Variants in RTKN2 observed in about 807,000 individuals in gnomAD.
RTKN2 encodes the protein rhotekin-2.
Under a neutral mutation model 71.5 loss-of-function variants are expected in RTKN2, and 69 were observed. The observed-to-expected ratio is 0.96, with a 90% confidence interval of 0.79 to 1.18. The LOEUF (loss-of-function observed/expected upper bound fraction) is 1.18. RTKN2 is among the 50% of genes most tolerant of loss of function. The pLI is 0.00. For synonymous variants in RTKN2, 236 were observed against 236.5 expected, an observed-to-expected ratio of 1.00 and a Z score of 0.02; for missense variants, 724 against 719.7, an observed-to-expected ratio of 1.01 and a Z score of -0.07.
At chr10:62,205,836 T>C (rs536516394) in intron 9 of RTKN2, among the ~76,000 whole-genome samples, 2 of 152,266 alleles carry the variant, frequency 1.3e-5, no homozygotes, top group East Asian at 1.9e-4. Flanking sequence ...GGCAACTACA[T>C]GTGGCTTTGA....
intron 1 of RTKN2, among the ~76,000 whole-genome samples, chr10:62,266,610 T>C (rs1253695577): frequency 6.6e-6 from 1 of 152,226 alleles, no homozygotes; most frequent in African/African-American, 2.4e-5. Flanking sequence ...GAGATAGTAT[T>C]ACTTTTTGAA....
chr10:62,198,489 G>A (rs1174672131), intron 11 of RTKN2, 46 bp from the exon 12 acceptor site: 2 of 1,283,994 alleles, frequency 1.6e-6, no homozygotes, highest in Admixed American at 5.2e-5. Flanking sequence ...TTCAAAAGCA[G>A]TATGTACTTT....
chr10:62,214,753 C>T (rs1564506234), intron 9 of RTKN2, among the ~76,000 whole-genome samples: 1 of 152,118 alleles, frequency 6.6e-6, no homozygotes, highest in Non-Finnish European at 1.5e-5. Context: ...CATTTTATAG[C>T]TACTTTTTAA....
At chr10:62,213,279 A>G (rs1373744457) in intron 9 of RTKN2, among the ~76,000 whole-genome samples, 1 of 150,754 alleles carries the variant, frequency 6.6e-6, no homozygotes, top group East Asian at 1.9e-4. Flanking sequence ...AATAGTAAAG[A>G]GGGAAGATTA....
chr10:62,237,439 A>G (rs781543619), intron 5 of RTKN2, among the ~76,000 whole-genome samples: 3 of 152,080 alleles, frequency 2.0e-5, no homozygotes, highest in South Asian at 2.1e-4. Context: ...ACTTTCACAG[A>G]TATCAGCTTC....
At chr10:62,222,626 T>C (rs939502766) in intron 7 of RTKN2, among the ~76,000 whole-genome samples, 3 of 152,194 alleles carry the variant, frequency 2.0e-5, no homozygotes, top group East Asian at 3.8e-4. Flanking sequence ...ATAACCCAAA[T>C]CATACTTCCA....
At chr10:62,240,106 GCACA>G (rs934216496) in intron 4 of RTKN2, among the ~76,000 whole-genome samples, 1 of 151,912 alleles carries the variant, frequency 6.6e-6, no homozygotes, top group Admixed American at 6.6e-5. Flanking sequence ...ATGCAAGCGT[GCACA>G]CACACACTAC....
intron 6 of RTKN2, among the ~76,000 whole-genome samples, chr10:62,225,342 A>C (rs1841998845): frequency 6.6e-6 from 1 of 152,164 alleles, no homozygotes; most frequent in African/African-American, 2.4e-5. Context: ...CCTTCCCACT[A>C]TCTGGAACTT....
At chr10:62,225,902 C>T (rs1020570408) in intron 6 of RTKN2, among the ~76,000 whole-genome samples, 1 of 152,004 alleles carries the variant, frequency 6.6e-6, no homozygotes, top group African/African-American at 2.4e-5. Context: ...CTCCCTCAGC[C>T]TCCCGAGTAG....
Position 62,198,003 on chromosome 10 carries a change from T to TA in RTKN2, c.1734dup (p.Lys579Ter). ...ACTGGCTTGGCTTCAAAATTGGTTTTAGTGTCTGTGTGCTCACCATCACTT... is the reference window on the plus strand; with the variant it reads ...ACTGGCTTGGCTTCAAAATTGGTTTTAAGTGTCTGTGTGCTCACCATCACTT... On this transcript the variant is annotated frameshift_variant, in exon 12 of 12. Coordinates refer to ENST00000373789, the MANE Select transcript of RTKN2 (RefSeq NM_145307.4). LOFTEE classifies it high-confidence loss of function. 1 of 1,613,988 alleles carries TA rather than the reference T, an allele frequency of 6.2e-7. No individual in the cohort carries two copies. The highest frequency in any genetic ancestry group is 8.5e-7 in the Non-Finnish European group (1 of 1,179,894).
At position 62,223,948 on chromosome 10, in the gene RTKN2, T is replaced by C. The variant is rs1216881839; in HGVS notation, c.687-616A>G. On this transcript the variant is annotated intron_variant, in intron 6 of 11. Coordinates refer to ENST00000373789, the MANE Select transcript of RTKN2 (RefSeq NM_145307.4). ...TCCAGGGATGAAGGAATCAACAAAA[T>C]GTGGGGTAGGTGTGTGTGTGTGTGT... Among the ~76,000 whole-genome samples, 3 of 122,732 alleles carry C rather than the reference T, an allele frequency of 2.4e-5. No individual in the cohort carries two copies. The South Asian group carries it at 7.5e-4, about 31-fold the overall frequency. The allele number at this position is 122,732 out of a possible 152,430, so 80.5% of individuals were successfully genotyped here. A position where few individuals can be genotyped will look rare whatever the true frequency, so the allele number is the denominator to read the frequency against.
At chr10:62,202,757 T>A (rs773345173) in intron 10 of RTKN2, among the ~76,000 whole-genome samples, 5 of 152,216 alleles carry the variant, frequency 3.3e-5, no homozygotes, top group Non-Finnish European at 7.3e-5. Context: ...TTTCACATAA[T>A]CTAGAGAATG....
chr10:62,249,294 C>T (rs956112118), intron 2 of RTKN2, among the ~76,000 whole-genome samples: 4 of 145,360 alleles, frequency 2.8e-5, no homozygotes, highest in African/African-American at 1.0e-4. Flanking sequence ...ATAAATGACA[C>T]TGATTAGTAT....
intron 2 of RTKN2, among the ~76,000 whole-genome samples, chr10:62,253,301 A>G (rs1446669936): frequency 2.6e-5 from 4 of 152,234 alleles, no homozygotes; most frequent in Admixed American, 6.5e-5. Flanking sequence ...CAATGAATAT[A>G]TCGCAAGTAC....
intron 2 of RTKN2, among the ~76,000 whole-genome samples, chr10:62,251,219 G>A (rs549885728): frequency 2.0e-5 from 3 of 152,154 alleles, no homozygotes; most frequent in South Asian, 4.1e-4. Context: ...TCACAAAAAG[G>A]GTAAATATTT....
At chr10:62,188,728 T>G (rs1465244003), downstream of RTKN2, among the ~76,000 whole-genome samples, 1 of 151,410 alleles carries the variant, frequency 6.6e-6, no homozygotes, top group Non-Finnish European at 1.5e-5. Flanking sequence ...ATATTTTCTA[T>G]ATATATATTT....
chr10:62,184,205 T>C, exon 9 of RTKN2: 2 of 652,416 alleles, frequency 3.1e-6, no homozygotes, highest in Non-Finnish European at 5.2e-6. Context: ...TACTGGGTGC[T>C]AGGAATACAG....
intron 6 of RTKN2, among the ~76,000 whole-genome samples, chr10:62,224,660 GAAAC>G (rs1009850213): frequency 6.6e-6 from 1 of 152,222 alleles, no homozygotes; most frequent in Admixed American, 6.5e-5. Flanking sequence ...TTCTATGAAA[GAAAC>G]AAAGGAGATG....
chr10:62,266,756 C>G (rs1262519538), intron 1 of RTKN2, among the ~76,000 whole-genome samples: 2 of 152,224 alleles, frequency 1.3e-5, no homozygotes, highest in Admixed American at 1.3e-4. Flanking sequence ...GTGCTAGGTG[C>G]TGTGATAAGT....
Sources: gnomAD v4.1 joint callset for allele counts (sites outside exome capture counted in the v4.1 genomes callset) on GRCh38, gnomAD v4.1.1 for gene constraint, MANE v1.5 for transcripts, NCBI Gene and HGNC (gene_info 2026-07-23, HGNC 2026-07-21) for gene names.